MECR: variants seen among roughly 807,000 people sequenced by gnomAD.
The protein encoded by MECR is mitochondrial trans-2-enoyl-CoA reductase, also known as enoyl-[acyl-carrier-protein] reductase, mitochondrial.
A neutral mutation model predicts 49.1 loss-of-function variants in MECR; 37 were observed. That is an observed-to-expected ratio of 0.75 (90% CI 0.58 to 0.99). The LOEUF (loss-of-function observed/expected upper bound fraction) is 0.99. Ranked by LOEUF, MECR falls within the 50% of genes least tolerant of loss-of-function variation. The probability of loss-of-function intolerance (pLI) is 0.00; values close to 1 mark genes in which losing one functional copy is unlikely to be tolerated. For synonymous variants in MECR, 198 were observed against 191.1 expected (o/e 1.04, Z -0.30); for missense variants, 470 against 479.6 (o/e 0.98, Z 0.19).
At chr1:29,179,875 TTTG>T in the MECR span, among the ~76,000 whole-genome samples, 2 of 152,240 alleles carry the variant, frequency 1.3e-5, no homozygotes, top group Non-Finnish European at 2.9e-5. Flanking sequence ...TGGTGGACAT[TTTG>T]TTGATGGGTT....
At chr1:29,196,843 A>G (rs546159892) in intron 7 of MECR, among the ~76,000 whole-genome samples, 1 of 152,154 alleles carries the variant, frequency 6.6e-6, no homozygotes, top group Admixed American at 6.5e-5. Flanking sequence ...GTGTCTATAA[A>G]TAATAATAAA....
chr1:29,188,318 G>A (rs980243074), downstream of MECR, among the ~76,000 whole-genome samples: 7 of 150,372 alleles, frequency 4.7e-5, no homozygotes, highest in African/African-American at 1.7e-4. Flanking sequence ...GCATCCCAAC[G>A]AGCTGGGATT....
Position 29,193,968 on chromosome 1 carries a change from C to G in MECR, c.*54G>C. 1.2e-6 allele frequency: 2 copies of G among 1,605,628 alleles called. No individual in the cohort carries two copies. Among genetic ancestry groups the G allele is most frequent in the Non-Finnish European group, 1.7e-6 (2 of 1,175,276 alleles). ...GGAGCCCCAACTGAGGGGCCTGCAC[C>G]CAGCCCCTCAGATCCGCCTCCCCTC... On this transcript the variant is annotated 3_prime_UTR_variant, in exon 10 of 10. Coordinates refer to ENST00000263702, the MANE Select transcript of MECR (RefSeq NM_016011.5).
At chr1:29,225,598 C>T (rs1466341729) in intron 1 of MECR, among the ~76,000 whole-genome samples, 7 of 152,126 alleles carry the variant, frequency 4.6e-5, no homozygotes, top group Admixed American at 4.6e-4. Flanking sequence ...ACTCAGTAAA[C>T]TCTCAAAGAA....
the MECR span, among the ~76,000 whole-genome samples, chr1:29,175,321 C>T: frequency 6.6e-6 from 1 of 150,590 alleles, no homozygotes; most frequent in South Asian, 2.1e-4. Context: ...GCTGAGGCAG[C>T]AGAATCGCTT....
chr1:29,206,666 C>A, intron 4 of MECR, 96 bp downstream of exon 4: 2 of 1,452,308 alleles, frequency 1.4e-6, no homozygotes, highest in South Asian at 2.6e-5. Context: ...CCCTCAAAAC[C>A]TCCACCTTGC....
the MECR span, chr1:29,171,076 G>A: frequency 1.2e-4 from 18 of 152,156 alleles, no homozygotes; most frequent in African/African-American, 2.2e-4. Context: ...AAGACCAGAC[G>A]GCCCTAGGAA....
the MECR span, among the ~76,000 whole-genome samples, chr1:29,177,464 A>T: frequency 1.3e-5 from 2 of 152,212 alleles, no homozygotes; most frequent in Non-Finnish European, 2.9e-5. Context: ...TATTTTTAGT[A>T]GAGACAGGGG....
At chr1:29,200,664 T>C in intron 6 of MECR, 75 bp from the exon 7 acceptor site, 1 of 1,302,452 alleles carries the variant, frequency 7.7e-7, no homozygotes, top group Admixed American at 1.8e-5. Flanking sequence ...CCAAGTGCTG[T>C]GTTAAAAGGA....
intron 1 of MECR, among the ~76,000 whole-genome samples, chr1:29,220,128 C>T (rs1336724786): frequency 2.6e-5 from 4 of 151,730 alleles, no homozygotes; most frequent in East Asian, 1.9e-4. Context: ...TGGTGGCTCA[C>T]GCCTGTAATC....
chr1:29,182,510 G>A, the MECR span, among the ~76,000 whole-genome samples: 1 of 152,068 alleles, frequency 6.6e-6, no homozygotes, highest in East Asian at 1.9e-4. Context: ...GCTAGACTAG[G>A]CATGACGCCG....
chr1:29,210,255 G>A (rs1210414244), intron 3 of MECR, among the ~76,000 whole-genome samples: 4 of 152,046 alleles, frequency 2.6e-5, no homozygotes, highest in Non-Finnish European at 4.4e-5. Context: ...CTCGTGATCC[G>A]CCCATCTTGG....
Position 29,230,731 on chromosome 1 carries a change from T to G in MECR, c.176A>C (p.Glu59Ala). ...GHHGDPAKVV[E>A]LKNLELAAVR... is the part of the protein sequence containing the mutation. ...CCCCGGCTTCGGCGCCGTCTCTTAC[T>G]CGACGACCTTGGCTGGATCCCCGTG... The change falls in exon 1 of 10, where the codon GAA becomes GCA. Residue 59 changes from glutamate to alanine, a missense_variant and splice_region_variant. Transcript: ENST00000263702. 6.4e-7 allele frequency: 1 copy of G among 1,574,526 alleles called. No homozygotes were observed. The highest frequency in any genetic ancestry group is 8.6e-7 in the Non-Finnish European group (1 of 1,159,860).
At chr1:29,200,815 G>T (rs191249553) in intron 6 of MECR, among the ~76,000 whole-genome samples, 15 of 151,984 alleles carry the variant, frequency 9.9e-5, no homozygotes, top group Middle Eastern at 3.4e-3. Context: ...CTAAGACAGG[G>T]TCTCGCTCTG....
chr1:29,188,956 T>G (rs1673074115), downstream of MECR, among the ~76,000 whole-genome samples: 1 of 150,726 alleles, frequency 6.6e-6, no homozygotes, highest in Admixed American at 6.6e-5. Flanking sequence ...CTTTTTTGTA[T>G]GAGACGGAGA....
At chr1:29,209,361 T>C (rs1467726473) in intron 3 of MECR, among the ~76,000 whole-genome samples, 1 of 152,224 alleles carries the variant, frequency 6.6e-6, no homozygotes, top group Non-Finnish European at 1.5e-5. Context: ...CACTGTGGTA[T>C]GGAGAACTGA....
chr1:29,172,027 T>C, the MECR span: 1 of 152,128 alleles, frequency 6.6e-6, no homozygotes, highest in East Asian at 1.9e-4. Flanking sequence ...CTCAATATGG[T>C]ATTATCTCTT....
chr1:29,193,934 G>T lies in MECR; in HGVS notation c.*88C>A. 1 of 1,487,646 alleles carries T rather than the reference G, an allele frequency of 6.7e-7. No homozygotes were observed. Among genetic ancestry groups the T allele is most frequent in the Non-Finnish European group, 9.2e-7 (1 of 1,086,966 alleles). 92.2% of individuals were successfully genotyped at this position (1,487,646 alleles called of 1,614,324 possible). A position where few individuals can be genotyped will look rare whatever the true frequency, so the allele number is the denominator to read the frequency against. ...AGGCAGTGAGGAGAACAGTAGTCTG[G>T]GGAAGGTGGGAGCCCCAACTGAGGG... is the stretch of plus-strand genomic sequence containing the variant. On this transcript the variant is annotated 3_prime_UTR_variant, in exon 10 of 10. Transcript: ENST00000263702.
At chr1:29,191,616 G>C (rs1673134901), downstream of MECR, among the ~76,000 whole-genome samples, 4 of 152,302 alleles carry the variant, frequency 2.6e-5, no homozygotes, top group South Asian at 8.3e-4. Flanking sequence ...CTAACCTAGA[G>C]GACAGGGACC....
Sources: allele counts gnomAD v4.1 joint callset (sites outside exome capture counted in the v4.1 genomes callset), GRCh38; gene constraint gnomAD v4.1.1; transcripts MANE v1.5; gene names NCBI Gene and HGNC (gene_info 2026-07-23, HGNC 2026-07-21).